GLRA3: variants seen among roughly 807,000 people sequenced by gnomAD.
The protein encoded by GLRA3 is glycine receptor subunit alpha-3.
In GLRA3, 44 loss-of-function variants were observed where a neutral mutation model predicts 60.4. That is an observed-to-expected ratio of 0.73 (90% CI 0.57 to 0.94). GLRA3 has a LOEUF of 0.94. Among genes scored for constraint, GLRA3 ranks in the 40% least tolerant of loss-of-function variants. The probability of loss-of-function intolerance (pLI) is 0.00; values close to 1 mark genes in which losing one functional copy is unlikely to be tolerated. For synonymous variants in GLRA3, 223 were observed against 192.9 expected (o/e 1.16, Z -1.29); for missense variants, 508 against 564.6 (o/e 0.90, Z 1.02).
At chr4:174,694,354 C>T (rs72706170) in intron 5 of GLRA3, among the ~76,000 whole-genome samples, 18,631 of 152,056 alleles carry the variant, frequency 0.12, 1,469 homozygotes, top group Middle Eastern at 0.19. Context: ...CAATCATCAA[C>T]AAATTTAAAA....
In GLRA3 at chr4:174,711,133, T is replaced by C. The variant is rs945790445; in HGVS notation, c.574+4355A>G. On this transcript the variant is annotated intron_variant, in intron 5 of 9. Coordinates refer to ENST00000274093, the MANE Select transcript of GLRA3 (RefSeq NM_006529.4). ...AGCAACTTACAGTAATTCTATATTG[T>C]TATTGGTTTCTAATTTTATTGCATT... 2.0e-5 allele frequency among the ~76,000 whole-genome samples: 3 copies of C among 151,946 alleles called. No homozygotes were observed. In the East Asian group the frequency reaches 5.8e-4, roughly 29 times the overall value.
rs1365319073 is a variant in GLRA3 at position 174,643,728 on chromosome 4, C to T, written c.*58G>A. ...CACGCACACATATACACATACACAC[C>T]TATGGCAGAGACACTTTCTTCTGAA... On this transcript the variant is annotated 3_prime_UTR_variant, in exon 10 of 10. Coordinates refer to ENST00000274093, the MANE Select transcript of GLRA3 (RefSeq NM_006529.4). The T allele has an allele frequency of 6.4e-7, 1 of 1,573,604 alleles. No individual in the cohort carries two copies. The highest frequency in any genetic ancestry group is 2.2e-5 in the East Asian group (1 of 44,546).
intron 3 of GLRA3, among the ~76,000 whole-genome samples, chr4:174,750,711 G>A (rs973536451): frequency 6.6e-6 from 1 of 152,060 alleles, no homozygotes; most frequent in Admixed American, 6.6e-5. Flanking sequence ...ATCATAAATG[G>A]AGCAGCTTTG....
At chr4:174,820,656 A>AT (rs1740709000) in intron 1 of GLRA3, among the ~76,000 whole-genome samples, 1 of 152,044 alleles carries the variant, frequency 6.6e-6, no homozygotes, top group South Asian at 2.1e-4. Context: ...TGGGATTCAC[A>AT]TTTTTTTCCC....
intron 2 of GLRA3, among the ~76,000 whole-genome samples, chr4:174,772,542 A>G (rs1738433043): frequency 6.6e-6 from 1 of 152,218 alleles, no homozygotes; most frequent in Non-Finnish European, 1.5e-5. Context: ...CCAAATTTCA[A>G]AACTATGGTA....
At chr4:174,823,983 A>C (rs1362561066) in intron 1 of GLRA3, among the ~76,000 whole-genome samples, 1 of 152,156 alleles carries the variant, frequency 6.6e-6, no homozygotes, top group Non-Finnish European at 1.5e-5. Context: ...TTCTATCCTC[A>C]TCGTTGACAA....
At chr4:174,788,623 G>A (rs1579609754) in intron 2 of GLRA3, among the ~76,000 whole-genome samples, 193 bp downstream of exon 2, 1 of 148,976 alleles carries the variant, frequency 6.7e-6, no homozygotes, top group South Asian at 2.1e-4. Context: ...GACATAGCTG[G>A]GCCAAAGAAG....
At chr4:174,824,005 A>G (rs1186028553) in intron 1 of GLRA3, among the ~76,000 whole-genome samples, 2 of 152,104 alleles carry the variant, frequency 1.3e-5, no homozygotes, top group Non-Finnish European at 2.9e-5. Context: ...TGTATTTTCT[A>G]TTCTTTCTTT....
intron 2 of GLRA3, among the ~76,000 whole-genome samples, chr4:174,775,827 A>G (rs1214255218): frequency 6.6e-6 from 1 of 152,202 alleles, no homozygotes; most frequent in Non-Finnish European, 1.5e-5. Context: ...TTCTGAAGAC[A>G]TAAAAATGAC....
At chr4:174,703,239 A>G (rs1006981517) in intron 5 of GLRA3, among the ~76,000 whole-genome samples, 1 of 152,188 alleles carries the variant, frequency 6.6e-6, no homozygotes, top group South Asian at 2.1e-4. Flanking sequence ...CAAACAATGA[A>G]GAATCCACTG....
intron 7 of GLRA3, among the ~76,000 whole-genome samples, chr4:174,672,259 C>T (rs2110936528): frequency 6.6e-6 from 1 of 152,228 alleles, no homozygotes; most frequent in Middle Eastern, 3.4e-3. Context: ...CTTTCCTATC[C>T]CTTCCACCCC....
chr4:174,780,293 TA>T (rs1345058106), intron 2 of GLRA3, among the ~76,000 whole-genome samples: 1 of 148,472 alleles, frequency 6.7e-6, no homozygotes, highest in Non-Finnish European at 1.5e-5. Context: ...AGGCCTGCCC[TA>T]AAAGAGCTCC....
At chr4:174,730,783 T>C (rs180972220) in intron 3 of GLRA3, among the ~76,000 whole-genome samples, 18 of 152,328 alleles carry the variant, frequency 1.2e-4, no homozygotes, top group Non-Finnish European at 2.5e-4. Context: ...AATGTTATCA[T>C]ATACCCATTG....
intron 3 of GLRA3, among the ~76,000 whole-genome samples, chr4:174,737,287 T>C (rs1736836805): frequency 6.6e-6 from 1 of 152,152 alleles, no homozygotes; most frequent in Non-Finnish European, 1.5e-5. Context: ...ATTTCATCTA[T>C]TTAAAGGTTC....
At chr4:174,648,844 CA>C (rs531662103) in intron 9 of GLRA3, among the ~76,000 whole-genome samples, 1 of 152,166 alleles carries the variant, frequency 6.6e-6, no homozygotes, top group Non-Finnish European at 1.5e-5. Context: ...TGTTAAGACA[CA>C]AAAAGAACAC....
intron 1 of GLRA3, among the ~76,000 whole-genome samples, chr4:174,807,802 A>G (rs1740107522): frequency 6.6e-6 from 1 of 152,152 alleles, no homozygotes. Flanking sequence ...CAGCCAATCT[A>G]TGAATCAGAA....
In GLRA3 at chr4:174,788,868, T is replaced by C; in HGVS notation, c.147A>G (p.Lys49=). ...APMSPSDFLD[K]LMGRTSGYDA... ...CATATCCTGATGTCCTGCCCATTAA[T>C]TTATCCAGAAAATCAGAAGGTGACA... The change falls in exon 2 of 10, where the codon AAA becomes AAG. Residue 49 remains lysine, a synonymous_variant. Coordinates refer to ENST00000274093, the MANE Select transcript of GLRA3 (RefSeq NM_006529.4). 6.2e-7 allele frequency: 1 copy of C among 1,609,380 alleles called. No individual in the cohort carries two copies. The highest frequency in any genetic ancestry group is 1.3e-5 in the African/African-American group (1 of 74,870).
chr4:174,691,964 C>T (rs151095296), intron 5 of GLRA3, among the ~76,000 whole-genome samples: 45,290 of 151,412 alleles, frequency 0.3, 7,921 homozygotes, highest in Non-Finnish European at 0.39. Flanking sequence ...TCTGCCCGGC[C>T]GCCCATCGTC....
intron 2 of GLRA3, among the ~76,000 whole-genome samples, chr4:174,781,364 A>G (rs1738863121): frequency 2.7e-5 from 4 of 149,308 alleles, no homozygotes; most frequent in Non-Finnish European, 1.5e-5. Flanking sequence ...AGAAAGCAGG[A>G]AAGATCCAAA....
Sources: allele counts gnomAD v4.1 joint callset (sites outside exome capture counted in the v4.1 genomes callset), GRCh38; gene constraint gnomAD v4.1.1; transcripts MANE v1.5; gene names NCBI Gene and HGNC (gene_info 2026-07-23, HGNC 2026-07-21).